ST6GALNAC3: variants seen among roughly 807,000 people sequenced by gnomAD.
ST6GALNAC3 encodes ST6 N-acetylgalactosaminide alpha-2,6-sialyltransferase 3.
ST6GALNAC3 carries 25 observed loss-of-function variants against 32.7 expected under a neutral mutation model. The observed-to-expected ratio is 0.76, with a 90% CI of 0.56 to 1.07. ST6GALNAC3 has a LOEUF of 1.07. Among genes scored for constraint, ST6GALNAC3 ranks in the 50% least tolerant of loss-of-function variants. The pLI is 0.00. For missense variants in ST6GALNAC3, 355 were observed against 382.4 expected (o/e 0.93, Z 0.60); for synonymous variants, 129 against 133.1 (o/e 0.97, Z 0.21).
At chr1:76,276,767 T>C (rs1456391346) in intron 1 of ST6GALNAC3, among the ~76,000 whole-genome samples, 2 of 152,186 alleles carry the variant, frequency 1.3e-5, no homozygotes, top group Non-Finnish European at 2.9e-5. Context: ...TAGAATAATA[T>C]TTTCAATATA....
At chr1:76,505,700 C>T (rs1316147039) in intron 3 of ST6GALNAC3, among the ~76,000 whole-genome samples, 1 of 152,154 alleles carries the variant, frequency 6.6e-6, no homozygotes, top group Non-Finnish European at 1.5e-5. Context: ...CTGTGCATTG[C>T]TTGAAATGCA....
At chr1:76,382,302 G>T (rs1214005593) in intron 2 of ST6GALNAC3, among the ~76,000 whole-genome samples, 2 of 152,170 alleles carry the variant, frequency 1.3e-5, no homozygotes, top group Non-Finnish European at 2.9e-5. Flanking sequence ...GTAGGTTATT[G>T]ATATATTGGG....
chr1:76,150,555 T>C (rs79271383), intron 1 of ST6GALNAC3, among the ~76,000 whole-genome samples: 4,135 of 152,288 alleles, frequency 0.027, 145 homozygotes, highest in African/African-American at 0.084. Context: ...ATCATGTCCT[T>C]CCCTTTGTGA....
At chr1:76,199,147 T>C (rs979325740) in intron 1 of ST6GALNAC3, among the ~76,000 whole-genome samples, 4 of 152,212 alleles carry the variant, frequency 2.6e-5, no homozygotes, top group Admixed American at 6.5e-5. Context: ...TCATTAGGGT[T>C]CTTCTGAAAC....
chr1:76,619,868 C>T (rs1009248007), intron 3 of ST6GALNAC3, among the ~76,000 whole-genome samples: 1 of 152,102 alleles, frequency 6.6e-6, no homozygotes, highest in Non-Finnish European at 1.5e-5. Flanking sequence ...CTTCTTCTCC[C>T]TCCTCTGCCT....
intron 3 of ST6GALNAC3, among the ~76,000 whole-genome samples, chr1:76,415,953 A>AT (rs934178047): frequency 2.0e-5 from 3 of 151,604 alleles, no homozygotes; most frequent in African/African-American, 7.3e-5. Flanking sequence ...CCTCTATCTT[A>AT]TATCTGTTCC....
chr1:76,563,235 CAG>C (rs1665350639), intron 3 of ST6GALNAC3, among the ~76,000 whole-genome samples: 2 of 152,188 alleles, frequency 1.3e-5, no homozygotes, highest in African/African-American at 4.8e-5. Flanking sequence ...CCCAGGCAGA[CAG>C]AGACCCGGGG....
rs187435202 is a variant in ST6GALNAC3, at chr1:76,106,128, T to A, written c.18+31244T>A. 2.0e-3 allele frequency among the ~76,000 whole-genome samples: 310 copies of A among 152,364 alleles called. 6 individuals are homozygous for A. The highest frequency in any genetic ancestry group is 0.019 in the Admixed American group (289 of 15,306). Reference sequence around the variant, plus strand: ...GAATTCATATGTATATGAAAACACCTGGCATAGGGCCTTGAACATAATGAG... The same window carrying A: ...GAATTCATATGTATATGAAAACACCAGGCATAGGGCCTTGAACATAATGAG... On this transcript the variant is annotated intron_variant, in intron 1 of 4. Coordinates refer to ENST00000328299, the MANE Select transcript of ST6GALNAC3 (RefSeq NM_152996.4).
At chr1:76,490,911 T>A (rs1660459023) in intron 3 of ST6GALNAC3, among the ~76,000 whole-genome samples, 1 of 151,602 alleles carries the variant, frequency 6.6e-6, no homozygotes, top group Non-Finnish European at 1.5e-5. Flanking sequence ...CAGGCTGGAG[T>A]GCAATGGCGT....
At chr1:76,273,611 G>A (rs1387886997) in intron 1 of ST6GALNAC3, among the ~76,000 whole-genome samples, 2 of 152,040 alleles carry the variant, frequency 1.3e-5, no homozygotes, top group Non-Finnish European at 2.9e-5. Flanking sequence ...GATTGGTAAA[G>A]GTTAAATAAA....
Position 76,312,271 on chromosome 1 carries a change from A to C in ST6GALNAC3, c.19-1534A>C, listed in dbSNP as rs557396197. Among the ~76,000 whole-genome samples, 31 of 152,326 alleles carry C rather than the reference A, an allele frequency of 2.0e-4. No individual in the cohort carries two copies. In the South Asian group the frequency reaches 6.4e-3, roughly 32 times the overall value. On this transcript the variant is annotated intron_variant, in intron 1 of 4. Transcript: ENST00000328299. The stretch of plus-strand genomic sequence containing the variant: ...ACCCCTTCCTTATACCTTATACAAA[A>C]ATTAAGATGGATTAAAGACTTAAAC...
chr1:76,304,745 C>T (rs989540300), intron 1 of ST6GALNAC3, among the ~76,000 whole-genome samples: 1 of 152,024 alleles, frequency 6.6e-6, no homozygotes, highest in African/African-American at 2.4e-5. Flanking sequence ...CAGCTGATGT[C>T]ATTATCATCG....
chr1:76,202,342 A>C (rs1211782444), intron 1 of ST6GALNAC3, among the ~76,000 whole-genome samples: 1 of 151,712 alleles, frequency 6.6e-6, no homozygotes, highest in South Asian at 2.1e-4. Flanking sequence ...CCAAGGCTTT[A>C]AATAAATTCA....
intron 2 of ST6GALNAC3, among the ~76,000 whole-genome samples, chr1:76,410,628 T>TTTA (rs1014286005): frequency 1.3e-5 from 2 of 152,116 alleles, no homozygotes; most frequent in African/African-American, 4.8e-5. Context: ...CACTGCTGAA[T>TTTA]TCTAACCCCT....
chr1:76,173,729 G>A (rs956083445), intron 1 of ST6GALNAC3, among the ~76,000 whole-genome samples: 13 of 152,130 alleles, frequency 8.5e-5, no homozygotes, highest in Admixed American at 2.0e-4. Flanking sequence ...ACAAACATAC[G>A]AAGAAAAGCT....
chr1:76,343,460 G>C (rs1372165486), intron 2 of ST6GALNAC3, among the ~76,000 whole-genome samples: 2 of 152,152 alleles, frequency 1.3e-5, no homozygotes, highest in Non-Finnish European at 2.9e-5. Flanking sequence ...AAGACCGTCG[G>C]ATCAGTGTAT....
intron 1 of ST6GALNAC3, among the ~76,000 whole-genome samples, chr1:76,190,930 GT>G (rs1435170759): frequency 6.6e-6 from 1 of 152,204 alleles, no homozygotes; most frequent in African/African-American, 2.4e-5. Flanking sequence ...TTCTCAAAGT[GT>G]GGTCTGCAGA....
chr1:76,523,579 T>C (rs315087), intron 3 of ST6GALNAC3, among the ~76,000 whole-genome samples: 72,336 of 151,950 alleles, frequency 0.48, 18,408 homozygotes, highest in African/African-American at 0.67. Context: ...TAAGATTCAG[T>C]CTATCTTTGG....
Position 76,354,714 on chromosome 1 carries a change from G to A in ST6GALNAC3, c.213+40715G>A, listed in dbSNP as rs540465103. On this transcript the variant is annotated intron_variant, in intron 2 of 4. Transcript: ENST00000328299. ...GTTTTTATTTCTTTTCAGATGATTAGTTATGCTTTGCCAGTATTTCCTCAG... is the reference window on the plus strand; with the variant it reads ...GTTTTTATTTCTTTTCAGATGATTAATTATGCTTTGCCAGTATTTCCTCAG... Among the ~76,000 whole-genome samples the A allele has an allele frequency of 2.6e-5, 4 of 152,234 alleles. No homozygotes were observed. In the South Asian group the frequency reaches 6.2e-4, roughly 24 times the overall value.
Sources: allele counts gnomAD v4.1 joint callset (sites outside exome capture counted in the v4.1 genomes callset), GRCh38; gene constraint gnomAD v4.1.1; transcripts MANE v1.5; gene names NCBI Gene and HGNC (gene_info 2026-07-23, HGNC 2026-07-21).